Variants in CFLAR observed in about 807,000 individuals in gnomAD.
CFLAR encodes the protein CASP8 and FADD like apoptosis regulator.
CFLAR carries 14 observed loss-of-function variants against 51.1 expected under a neutral mutation model. The ratio of observed to expected loss-of-function variants is 0.27; its 90% confidence interval spans 0.18 to 0.43. The LOEUF (loss-of-function observed/expected upper bound fraction) is 0.43. Ranked by LOEUF, CFLAR falls within the 20% of genes least tolerant of loss-of-function variation. The probability of loss-of-function intolerance (pLI) is 1.00; values close to 1 mark genes in which losing one functional copy is unlikely to be tolerated. For missense variants in CFLAR, 390 were observed against 566.5 expected (o/e 0.69, Z 3.16); for synonymous variants, 210 against 211.6 (o/e 0.99, Z 0.06).
chr2:201,153,415 C>T (rs1941612844), intron 8 of CFLAR: 1 of 152,306 alleles, frequency 6.6e-6, no homozygotes, highest in Non-Finnish European at 1.5e-5. Context: ...TCATTTCCCT[C>T]CTCCTCTCCT....
intron 4 of CFLAR, 111 bp from the exon 5 acceptor site, chr2:201,140,246 G>A: frequency 7.2e-7 from 1 of 1,379,694 alleles, no homozygotes; most frequent in East Asian, 2.5e-5. Context: ...TGGCTAGAAA[G>A]TTTAGGGTAT....
intron 3 of CFLAR, among the ~76,000 whole-genome samples, chr2:201,134,576 A>C (rs1482299466): frequency 6.6e-6 from 1 of 152,044 alleles, no homozygotes; most frequent in Non-Finnish European, 1.5e-5. Flanking sequence ...CAGAGGTTGC[A>C]GTAAGCCAAG....
At position 201,170,263 on chromosome 2, in the gene CFLAR, G is replaced by A. The variant is rs1943932082; in HGVS notation, c.*6290G>A. On this transcript the variant is annotated 3_prime_UTR_variant, in exon 10 of 10. Transcript: ENST00000309955. ...GTACATATACACCATGGAATACTGT[G>A]CAGTGCAGCCATTACAGCTTTTGGT... 1 of 152,190 alleles carries A rather than the reference G, an allele frequency of 6.6e-6. No individual in the cohort carries two copies. The highest frequency in any genetic ancestry group is 1.5e-5 in the Non-Finnish European group (1 of 68,034). The allele number at this position is 152,190 out of a possible 1,614,324, so 9.4% of individuals were successfully genotyped here.
chr2:201,151,164 C>T (rs145859354), intron 8 of CFLAR: 17 of 152,308 alleles, frequency 1.1e-4, no homozygotes, highest in African/African-American at 4.1e-4. Context: ...TCGTTGGCCT[C>T]AGTCTCTTCT....
chr2:201,137,522 C>A, intron 4 of CFLAR: 1 of 654,510 alleles, frequency 1.5e-6, no homozygotes, highest in Non-Finnish European at 2.8e-6. Flanking sequence ...GTCCTCAGTA[C>A]AGCCACTTCT....
At position 201,173,999 on chromosome 2, in the gene CFLAR, G is replaced by A. The variant is rs1236191773; in HGVS notation, c.*10026G>A. 1.3e-5 allele frequency: 2 copies of A among 152,164 alleles called. No individual in the cohort carries two copies. The highest frequency in any genetic ancestry group is 1.9e-4 in the East Asian group (1 of 5,202). 9.4% of individuals were successfully genotyped at this position (152,164 alleles called of 1,614,324 possible). ...TTGTCTTTTTATTGTTGAGTTGTAA[G>A]CATTCTTTTTAATATTCTGGATACT... On this transcript the variant is annotated 3_prime_UTR_variant, in exon 10 of 10. Transcript: ENST00000309955.
At chr2:201,141,514 CCTTT>C (rs1938866469) in intron 5 of CFLAR, 15 of 1,454,092 alleles carry the variant, frequency 1.0e-5, no homozygotes, top group Non-Finnish European at 1.4e-5. Context: ...TGTGTTTAGC[CCTTT>C]CTTGTTGCTG....
Position 201,132,953 on chromosome 2 carries a change from T to C in CFLAR, c.282-76T>C, listed in dbSNP as rs1248998262. The C allele has an allele frequency of 2.0e-6, 3 of 1,508,700 alleles. No homozygotes were observed. In the East Asian group the frequency reaches 7.0e-5, roughly 35 times the overall value. 93.5% of individuals were successfully genotyped at this position (1,508,700 alleles called of 1,614,324 possible). On this transcript the variant is annotated intron_variant, in intron 2 of 9. Transcript: ENST00000309955. ...ACTAGTCTTTTAATCCATTGTTGCA[T>C]AGGGGAGGCGTGGGCACTTGGAGTT...
At chr2:201,145,161 T>C (rs1939859826) in intron 5 of CFLAR, among the ~76,000 whole-genome samples, 1 of 152,228 alleles carries the variant, frequency 6.6e-6, no homozygotes, top group South Asian at 2.1e-4. Flanking sequence ...CCTATTTTCA[T>C]CTTTTAAAAG....
chr2:201,123,678 C>A (rs191906710), intron 1 of CFLAR, among the ~76,000 whole-genome samples: 5 of 152,264 alleles, frequency 3.3e-5, no homozygotes, highest in Admixed American at 2.6e-4. Context: ...CCATAGCAGC[C>A]TCATCAAATA....
rs1011688835 is a variant in CFLAR at position 201,140,174 on chromosome 2, C to G, written c.524-183C>G. On this transcript the variant is annotated intron_variant, in intron 4 of 9. Transcript: ENST00000309955. ...CAGCGGCGGGGCGGGCCAGGGCGCC[C>G]TATACTCCATTCTTCATGATGTTTG... The G allele has an allele frequency of 1.2e-4, 75 of 604,418 alleles. 1 individual carries two copies. Among genetic ancestry groups the G allele is most frequent in the African/African-American group, 7.4e-4 (37 of 50,228 alleles). 37.4% of individuals were successfully genotyped at this position (604,418 alleles called of 1,614,324 possible).
At position 201,171,639 on chromosome 2, in the gene CFLAR, T is replaced by C. The variant is rs1346997867; in HGVS notation, c.*7666T>C. ...AACAAACCCGCACATCCTGCACTTGTATCCAGAACTTAAAATATTTTAAAA... is the reference window on the plus strand; with the variant it reads ...AACAAACCCGCACATCCTGCACTTGCATCCAGAACTTAAAATATTTTAAAA... On this transcript the variant is annotated 3_prime_UTR_variant, in exon 10 of 10. Transcript: ENST00000309955. The C allele has an allele frequency of 6.6e-6, 1 of 151,236 alleles. No individual in the cohort carries two copies. The highest frequency in any genetic ancestry group is 1.9e-4 in the East Asian group (1 of 5,166). The allele number at this position is 151,236 out of a possible 1,614,324, so 9.4% of individuals were successfully genotyped here.
In CFLAR at chr2:201,170,278, C is replaced by G. The variant is rs1406593568; in HGVS notation, c.*6305C>G. ...GGAATACTGTGCAGTGCAGCCATTACAGCTTTTGGTGATACAGTGAATCAG... is the reference window on the plus strand; with the variant it reads ...GGAATACTGTGCAGTGCAGCCATTAGAGCTTTTGGTGATACAGTGAATCAG... On this transcript the variant is annotated 3_prime_UTR_variant, in exon 10 of 10. Transcript: ENST00000309955. The G allele has an allele frequency of 6.6e-6, 1 of 152,094 alleles. No individual in the cohort carries two copies. Among genetic ancestry groups the G allele is most frequent in the Non-Finnish European group, 1.5e-5 (1 of 67,980 alleles). The allele number at this position is 152,094 out of a possible 1,614,324, so 9.4% of individuals were successfully genotyped here.
In CFLAR at chr2:201,175,927, T is replaced by A. The variant is rs2125995779; in HGVS notation, c.*11954T>A. On this transcript the variant is annotated 3_prime_UTR_variant, in exon 10 of 10. Transcript: ENST00000309955. ...GAGACCAGCCTGGCCATCATGATGA[T>A]GAAACCTCGTCTCTACTAAAAATAG... 1 of 152,212 alleles carries A rather than the reference T, an allele frequency of 6.6e-6. No individual in the cohort carries two copies. Among genetic ancestry groups the A allele is most frequent in the African/African-American group, 2.4e-5 (1 of 41,516 alleles). 9.4% of individuals were successfully genotyped at this position (152,212 alleles called of 1,614,324 possible).
Position 201,171,709 on chromosome 2 carries a change from T to C in CFLAR, c.*7736T>C, listed in dbSNP as rs560831246. The C allele has an allele frequency of 6.6e-6, 1 of 152,036 alleles. No individual in the cohort carries two copies. The highest frequency in any genetic ancestry group is 1.5e-5 in the Non-Finnish European group (1 of 67,978). 9.4% of individuals were successfully genotyped at this position (152,036 alleles called of 1,614,324 possible). A position where few individuals can be genotyped will look rare whatever the true frequency, so the allele number is the denominator to read the frequency against. On this transcript the variant is annotated 3_prime_UTR_variant, in exon 10 of 10. Transcript: ENST00000309955. ...AAAAAAAAAAAGATTCTTCAATGCA[T>C]ACACAATAAAATTGCAGTTCAGTCA... is the stretch of plus-strand genomic sequence containing the variant.
intron 4 of CFLAR, chr2:201,137,791 T>A: frequency 8.5e-7 from 1 of 1,170,460 alleles, no homozygotes; most frequent in Non-Finnish European, 1.3e-6. Context: ...TGGCTGCTGC[T>A]GCTCTTCTCC....
intron 8 of CFLAR, among the ~76,000 whole-genome samples, chr2:201,158,710 C>G (rs1431414477): frequency 6.6e-6 from 1 of 152,130 alleles, no homozygotes; most frequent in Non-Finnish European, 1.5e-5. Flanking sequence ...CCTCTTCTAC[C>G]ACACAGAGTT....
At chr2:201,150,048 G>T (rs1018029822) in intron 8 of CFLAR, 2 of 365,734 alleles carry the variant, frequency 5.5e-6, no homozygotes, top group Non-Finnish European at 5.0e-6. Context: ...AAATTAGCTG[G>T]TGTGGGCTCG....
chr2:201,160,947 GC>G lies in CFLAR; in HGVS notation c.1304+10del. ...CCAGAAACTGAGACAAGAAAGGTGAGCCCCCAGGAGGTGGTCAGTTCCGGAC... is the reference window on the plus strand; with the variant it reads ...CCAGAAACTGAGACAAGAAAGGTGAGCCCCAGGAGGTGGTCAGTTCCGGAC... On this transcript the variant is annotated splice_donor_region_variant and intron_variant, in intron 9 of 9. Transcript: ENST00000309955. The G allele has an allele frequency of 1.2e-6, 2 of 1,608,412 alleles. No individual in the cohort carries two copies. The highest frequency in any genetic ancestry group is 1.7e-6 in the Non-Finnish European group (2 of 1,175,482).
Sources: gnomAD v4.1 joint callset for allele counts (sites outside exome capture counted in the v4.1 genomes callset) on GRCh38, gnomAD v4.1.1 for gene constraint, MANE v1.5 for transcripts, NCBI Gene and HGNC (gene_info 2026-07-23, HGNC 2026-07-21) for gene names.